POLD2: variants seen among roughly 807,000 people sequenced by gnomAD.
POLD2 encodes the protein DNA polymerase delta 2, accessory subunit.
Under a neutral mutation model 48.8 loss-of-function variants are expected in POLD2, and 31 were observed. The ratio of observed to expected loss-of-function variants is 0.64; its 90% CI spans 0.48 to 0.86. POLD2 has a LOEUF of 0.86. Ranked by LOEUF, POLD2 falls within the 40% of genes least tolerant of loss-of-function variation. The probability of loss-of-function intolerance (pLI) is 0.00; values close to 1 mark genes in which losing one functional copy is unlikely to be tolerated. For synonymous variants in POLD2, 233 were observed against 256.3 expected (o/e 0.91, Z 0.87); for missense variants, 455 against 610.1 (o/e 0.75, Z 2.68).
chr7:44,118,098 G>A (rs781032399), intron 2 of POLD2, 34 bp from the exon 3 acceptor site: 3 of 1,611,358 alleles, frequency 1.9e-6, no homozygotes, highest in Middle Eastern at 1.7e-4. Flanking sequence ...CAGAGATGAA[G>A]TAGCCCCCCC....
intron 2 of POLD2, among the ~76,000 whole-genome samples, chr7:44,118,663 C>G (rs2096244146): frequency 6.6e-6 from 1 of 151,662 alleles, no homozygotes; most frequent in Admixed American, 6.6e-5. Context: ...CAGGCGTGTG[C>G]CACCACGCCC....
chr7:44,117,309 A>T, intron 4 of POLD2, 62 bp from the exon 5 acceptor site: 1 of 1,241,472 alleles, frequency 8.1e-7, no homozygotes, highest in Non-Finnish European at 1.2e-6. Flanking sequence ...CCTTCCAGTC[A>T]CCCCAACGGG....
At chr7:44,123,989 C>T (rs552181162), upstream of POLD2, among the ~76,000 whole-genome samples, 3 of 152,350 alleles carry the variant, frequency 2.0e-5, no homozygotes, top group South Asian at 2.1e-4. Flanking sequence ...GAGGAGGATC[C>T]CAACAGAAAG....
At chr7:44,119,371 GC>G (rs2096245229) in intron 2 of POLD2, among the ~76,000 whole-genome samples, 2 of 152,130 alleles carry the variant, frequency 1.3e-5, no homozygotes, top group Admixed American at 6.5e-5. Context: ...CACAGCCTGA[GC>G]CCCTGCTGCC....
rs991519480 is a variant in POLD2 at position 44,115,853 on chromosome 7, G to A, written c.1060C>T (p.Arg354Ter). 5.6e-6 allele frequency: 9 copies of A among 1,614,034 alleles called. No homozygotes were observed. The highest frequency in any genetic ancestry group is 3.3e-5 in the Admixed American group (2 of 60,006). ...TSGQNVSDIF[R>*]YSSMEDHLEI... is the part of the protein sequence containing the mutation. ...AAGTGATCCTCCATGCTGCTGTATC[G>A]GAAAATGTCACTCACGTTCTGTCCT... Residue 354 changes from arginine to a stop codon, truncating the protein, a stop_gained, in exon 9 of 11, where the codon CGA (arginine) becomes TGA (stop). Coordinates refer to ENST00000610533, the MANE Select transcript of POLD2 (RefSeq NM_006230.4). LOFTEE classifies it high-confidence loss of function.
chr7:44,115,487 A>G, intron 9 of POLD2, 91 bp from the exon 10 acceptor site: 1 of 887,232 alleles, frequency 1.1e-6, no homozygotes, highest in Non-Finnish European at 1.9e-6. Context: ...CTCCCATTGC[A>G]GGCCAGTAGG....
chr7:44,120,501 G>C (rs1289940541), intron 2 of POLD2, among the ~76,000 whole-genome samples: 1 of 152,164 alleles, frequency 6.6e-6, no homozygotes, highest in Admixed American at 6.5e-5. Context: ...CTTTGTCTCA[G>C]GTAAACAAAA....
upstream of POLD2, chr7:44,123,761 G>C: frequency 7.7e-7 from 1 of 1,302,732 alleles, no homozygotes; most frequent in South Asian, 1.9e-5. Context: ...CCGGCGCCGC[G>C]GGTCTTTGGT....
chr7:44,116,459 T>C lies in POLD2; in HGVS notation c.832A>G (p.Met278Val), dbSNP rs1450591950. Residue 278 changes from methionine to valine, a missense_variant, in exon 7 of 11, where the codon ATG becomes GTG. Coordinates refer to ENST00000610533, the MANE Select transcript of POLD2 (RefSeq NM_006230.4). The surrounding 1 kb of genome is among the most constrained non-coding windows in gnomAD (Gnocchi z 6.1). ...TQAASVEAVK[M>V]LDEILLQLSA... is the part of the protein sequence containing the mutation. ...AGCTGCAGGAGGATCTCATCCAGCA[T>C]CTTAACAGCCTCCACGCTGGCTGCC... The C allele has an allele frequency of 6.3e-7, 1 of 1,584,414 alleles. No individual in the cohort carries two copies. Among genetic ancestry groups the C allele is most frequent in the Non-Finnish European group, 8.6e-7 (1 of 1,164,614 alleles).
intron 8 of POLD2, 37 bp from the exon 9 acceptor site, chr7:44,115,930 T>A (rs1270765728): frequency 3.7e-6 from 6 of 1,613,908 alleles, no homozygotes; most frequent in Non-Finnish European, 5.1e-6. Flanking sequence ...TGGCTTTGGG[T>A]GCCACCCATA....
In POLD2 at chr7:44,121,831, T is replaced by C. The variant is rs753765761; in HGVS notation, c.220+3A>G. On this transcript the variant is annotated splice_donor_region_variant and intron_variant, in intron 2 of 10. Coordinates refer to ENST00000610533, the MANE Select transcript of POLD2 (RefSeq NM_006230.4). This position sits in a 1 kb window ranked among gnomAD's most constrained non-coding sequence, Gnocchi z 4.5. Reference sequence around the variant, plus strand: ...GGAAGCACCTTCCCAAACTCTCACTTACCCCAGTGCTGCTGGGCCCGGTTC... The same window carrying C: ...GGAAGCACCTTCCCAAACTCTCACTCACCCCAGTGCTGCTGGGCCCGGTTC... 2 of 1,610,630 alleles carry C rather than the reference T, an allele frequency of 1.2e-6. No individual in the cohort carries two copies. Among genetic ancestry groups the C allele is most frequent in the East Asian group, 2.2e-5 (1 of 44,812 alleles).
At chr7:44,118,345 C>G in intron 2 of POLD2, 1 of 318,328 alleles carries the variant, frequency 3.1e-6, no homozygotes. Context: ...TGAAGACGGG[C>G]AGAGCGGAGT....
chr7:44,123,795 G>T, upstream of POLD2: 1 of 1,047,578 alleles, frequency 9.5e-7, no homozygotes, highest in Non-Finnish European at 1.3e-6. Flanking sequence ...TGCAGGGGTT[G>T]GGCTGACGGG....
At position 44,116,734 on chromosome 7, in the gene POLD2, C is replaced by T. The variant is rs2096240365; in HGVS notation, c.780+83G>A. On this transcript the variant is annotated intron_variant, in intron 6 of 10. Coordinates refer to ENST00000610533, the MANE Select transcript of POLD2 (RefSeq NM_006230.4). The surrounding 1 kb of genome is among the most constrained non-coding windows in gnomAD (Gnocchi z 6.1). ...CCGACCTGCGAGACCTCACAGGGTA[C>T]CCTACTCGCCCTGGGGAAGGAGGGT... is the stretch of plus-strand genomic sequence containing the variant. 6 of 1,469,128 alleles carry T rather than the reference C, an allele frequency of 4.1e-6. No homozygotes were observed. The highest frequency in any genetic ancestry group is 5.7e-6 in the Non-Finnish European group (6 of 1,060,386). The allele number at this position is 1,469,128 out of a possible 1,614,324, so 91.0% of individuals were successfully genotyped here. A position where few individuals can be genotyped will look rare whatever the true frequency, so the allele number is the denominator to read the frequency against.
chr7:44,117,752 A>G lies in POLD2; in HGVS notation c.343-10T>C, dbSNP rs763169301. On this transcript the variant is annotated splice_polypyrimidine_tract_variant and intron_variant, in intron 3 of 10. Coordinates refer to ENST00000610533, the MANE Select transcript of POLD2 (RefSeq NM_006230.4). ...GGGGGAGCAGGTTGTGCTGGAATGCAGAGACAGGAGGTATAATCTTGGGGC... is the reference window on the plus strand; with the variant it reads ...GGGGGAGCAGGTTGTGCTGGAATGCGGAGACAGGAGGTATAATCTTGGGGC... The G allele has an allele frequency of 1.2e-6, 2 of 1,613,574 alleles. No homozygotes were observed. Among genetic ancestry groups the G allele is most frequent in the East Asian group, 4.5e-5 (2 of 44,560 alleles).
chr7:44,117,488 T>A, intron 4 of POLD2, 131 bp downstream of exon 4: 2 of 1,173,430 alleles, frequency 1.7e-6, no homozygotes, highest in South Asian at 3.0e-5. Context: ...CTCACCTACC[T>A]CCTCAAGAAC....
In POLD2 at chr7:44,121,934, C is replaced by T. The variant is rs375038018; in HGVS notation, c.120G>A (p.Arg40=). ...ATYTNSSQPF[R]LGERSFSRQY... is the part of the protein sequence containing the mutation. Reference sequence around the variant, plus strand: ...GCCGGCTAAAGCTGCGCTCTCCTAGCCGGAAGGGTTGTGAGGAGTTGGTGT... The same window carrying T: ...GCCGGCTAAAGCTGCGCTCTCCTAGTCGGAAGGGTTGTGAGGAGTTGGTGT... Residue 40 remains arginine, a synonymous_variant, in exon 2 of 11, where the codon CGG becomes CGA. Transcript: ENST00000610533. This position sits in a 1 kb window ranked among gnomAD's most constrained non-coding sequence, Gnocchi z 4.5. The T allele has an allele frequency of 6.2e-7, 1 of 1,613,722 alleles. No individual in the cohort carries two copies. Among genetic ancestry groups the T allele is most frequent in the South Asian group, 1.1e-5 (1 of 91,070 alleles).
Position 44,121,837 on chromosome 7 carries a change from A to G in POLD2, c.217T>C (p.Trp73Arg), listed in dbSNP as rs1200193245. The G allele has an allele frequency of 4.3e-6, 7 of 1,612,294 alleles. No individual in the cohort carries two copies. The highest frequency in any genetic ancestry group is 1.1e-5 in the South Asian group (1 of 90,988). ...PFLENRAQQHWGSGVGVKKLC... is the reference protein window; with the variant it reads ...PFLENRAQQHRGSGVGVKKLC... Reference sequence around the variant, plus strand: ...ACCTTCCCAAACTCTCACTTACCCCAGTGCTGCTGGGCCCGGTTCTCCAGG... The same window carrying G: ...ACCTTCCCAAACTCTCACTTACCCCGGTGCTGCTGGGCCCGGTTCTCCAGG... Residue 73 changes from tryptophan (W) to arginine (R), a missense_variant, in exon 2 of 11, where the codon TGG becomes CGG. Around this residue, in one of 3 missense-constraint regions of POLD2, gnomAD observed 349 missense variants for 437.4 expected, o/e 0.80. Coordinates refer to ENST00000610533, the MANE Select transcript of POLD2 (RefSeq NM_006230.4). The surrounding 1 kb of genome is among the most constrained non-coding windows in gnomAD (Gnocchi z 4.5).
In POLD2 at chr7:44,116,856, G is replaced by T. The variant is rs142289447; in HGVS notation, c.741C>A (p.Leu247=). Residue 247 remains leucine (L), a synonymous_variant, in exon 6 of 11, where the codon CTC becomes CTA. Transcript: ENST00000610533. This position sits in a 1 kb window ranked among gnomAD's most constrained non-coding sequence, Gnocchi z 6.1. ...HVSRVILAGN[L]LSHSTQSRDS... ...CCCTGCTCTGGGTGCTGTGGCTGAG[G>T]AGGTTGCCAGCGAGGATAACCCGGG... 1 of 1,613,980 alleles carries T rather than the reference G, an allele frequency of 6.2e-7. No homozygotes were observed. Among genetic ancestry groups the T allele is most frequent in the East Asian group, 2.2e-5 (1 of 44,876 alleles).
Sources: gnomAD v4.1 joint callset for allele counts (sites outside exome capture counted in the v4.1 genomes callset) on GRCh38, gnomAD v4.1.1 for gene constraint, gnomAD v4.1.1 regional missense constraint, Gnocchi (gnomAD v3.1) non-coding constraint, MANE v1.5 for transcripts, NCBI Gene and HGNC (gene_info 2026-07-23, HGNC 2026-07-21) for gene names.